TRABD2A: variants seen among roughly 807,000 people sequenced by gnomAD.
The protein encoded by TRABD2A is metalloprotease TIKI1.
In TRABD2A, 43 loss-of-function variants were observed where a neutral mutation model predicts 45.6. The observed-to-expected ratio is 0.94, with a 90% CI of 0.74 to 1.22. The LOEUF (loss-of-function observed/expected upper bound fraction) is 1.22, where lower values mean the gene tolerates loss of function less well. Among genes scored for constraint, TRABD2A ranks in the 50% most tolerant of loss-of-function variants. TRABD2A has a pLI of 0.00. For synonymous variants in TRABD2A, 269 were observed against 265.0 expected (o/e 1.02, Z -0.15); for missense variants, 642 against 652.4 (o/e 0.98, Z 0.17).
chr2:84,851,418 G>T (rs1682092464), intron 2 of TRABD2A, among the ~76,000 whole-genome samples: 1 of 152,202 alleles, frequency 6.6e-6, no homozygotes, highest in African/African-American at 2.4e-5. Context: ...TGTACCAGAA[G>T]GCTGAATTTA....
chr2:84,855,996 G>A (rs998139740), intron 2 of TRABD2A, among the ~76,000 whole-genome samples: 3 of 152,100 alleles, frequency 2.0e-5, no homozygotes, highest in Non-Finnish European at 2.9e-5. Context: ...ACAGTGGCCC[G>A]CACCACCCCA....
intron 3 of TRABD2A, among the ~76,000 whole-genome samples, chr2:84,840,746 C>T (rs1280873669): frequency 6.6e-6 from 1 of 152,162 alleles, no homozygotes; most frequent in Admixed American, 6.5e-5. Context: ...GATTTATCAC[C>T]ACCACCAACT....
At chr2:84,852,997 T>A (rs1291242799) in intron 2 of TRABD2A, among the ~76,000 whole-genome samples, 1 of 151,988 alleles carries the variant, frequency 6.6e-6, no homozygotes, top group Non-Finnish European at 1.5e-5. Flanking sequence ...GGGTTAAATT[T>A]TTCCCCCCAC....
intron 2 of TRABD2A, among the ~76,000 whole-genome samples, chr2:84,864,708 T>A (rs1019314859): frequency 1.3e-5 from 2 of 152,134 alleles, no homozygotes; most frequent in African/African-American, 2.4e-5. Flanking sequence ...AACAGAGACC[T>A]CCTAGCCCCA....
intron 5 of TRABD2A, 28 bp from the exon 6 acceptor site, chr2:84,824,232 T>C: frequency 6.2e-7 from 1 of 1,612,818 alleles, no homozygotes; most frequent in Non-Finnish European, 8.5e-7. Flanking sequence ...GAGAAGGTAT[T>C]TGGAGGAGGG....
chr2:84,841,843 G>T lies in TRABD2A; in HGVS notation c.816+18C>A. The T allele has an allele frequency of 6.7e-7, 1 of 1,501,352 alleles. No individual in the cohort carries two copies. Among genetic ancestry groups the T allele is most frequent in the Non-Finnish European group, 8.9e-7 (1 of 1,127,006 alleles). 93.0% of individuals were successfully genotyped at this position (1,501,352 alleles called of 1,614,324 possible). A position where few individuals can be genotyped will look rare whatever the true frequency, so the allele number is the denominator to read the frequency against. ...AATTAAATGTGTGCTGAGCTTGGCA[G>T]GGGGAAAGGGTGCTCACCTGGGAGC... On this transcript the variant is annotated intron_variant, in intron 3 of 6. Transcript: ENST00000409520.
At chr2:84,832,219 A>G (rs1681363636) in intron 4 of TRABD2A, 74 bp from the exon 5 acceptor site, 1 of 1,494,984 alleles carries the variant, frequency 6.7e-7, no homozygotes, top group Non-Finnish European at 9.3e-7. Flanking sequence ...CACACACCCT[A>G]GAACCAAGAA....
chr2:84,873,542 T>C (rs1344184713), intron 1 of TRABD2A, among the ~76,000 whole-genome samples: 1 of 152,190 alleles, frequency 6.6e-6, no homozygotes, highest in African/African-American at 2.4e-5. Flanking sequence ...CTGAGGTTAT[T>C]TAAATACTTC....
At chr2:84,869,860 T>G (rs1682814879) in intron 2 of TRABD2A, among the ~76,000 whole-genome samples, 1 of 150,806 alleles carries the variant, frequency 6.6e-6, no homozygotes, top group Non-Finnish European at 1.5e-5. Flanking sequence ...ACACCTGTAA[T>G]CCCAGCTACT....
intron 3 of TRABD2A, among the ~76,000 whole-genome samples, chr2:84,840,751 C>A (rs570774764): frequency 2.6e-5 from 4 of 152,202 alleles, no homozygotes; most frequent in African/African-American, 4.8e-5. Flanking sequence ...ATCACCACCA[C>A]CAACTCTATT....
intron 5 of TRABD2A, among the ~76,000 whole-genome samples, chr2:84,824,908 C>G (rs1223268023): frequency 1.3e-5 from 2 of 152,184 alleles, no homozygotes; most frequent in East Asian, 3.8e-4. Context: ...ATTTTCACAA[C>G]TAATGGGAAA....
chr2:84,854,948 A>C (rs1479406671), intron 2 of TRABD2A, among the ~76,000 whole-genome samples: 1 of 152,038 alleles, frequency 6.6e-6, no homozygotes, highest in Non-Finnish European at 1.5e-5. Context: ...GTGTCAAATC[A>C]CTGTGCCCTT....
At chr2:84,867,457 T>C (rs903894498) in intron 2 of TRABD2A, among the ~76,000 whole-genome samples, 2 of 152,156 alleles carry the variant, frequency 1.3e-5, no homozygotes, top group African/African-American at 2.4e-5. Flanking sequence ...AAGACTTAAA[T>C]GTTAGACCTA....
rs759830766 is a variant in TRABD2A, at chr2:84,870,449, C to T, written c.445G>A (p.Ala149Thr). 7.4e-6 allele frequency: 12 copies of T among 1,613,908 alleles called. No individual in the cohort carries two copies. The highest frequency in any genetic ancestry group is 2.7e-5 in the African/African-American group (2 of 74,934). The change falls in exon 2 of 7, where the codon GCA (alanine) becomes ACA (threonine). Residue 149 changes from alanine to threonine, a missense_variant. Coordinates refer to ENST00000409520, the MANE Select transcript of TRABD2A (RefSeq NM_001277053.2). ...GCAATAGCATTGAAGAGGTAGTCTG[C>T]GTAGAGCCCCTTGCCGCGCTGGTCT... is the stretch of plus-strand genomic sequence containing the variant. Reference protein sequence around the residue: ...TPDQRGKGLYADYLFNAIAGN... With the variant: ...TPDQRGKGLYTDYLFNAIAGN...
At chr2:84,866,143 C>A (rs1160031610) in intron 2 of TRABD2A, among the ~76,000 whole-genome samples, 1 of 152,168 alleles carries the variant, frequency 6.6e-6, no homozygotes, top group Non-Finnish European at 1.5e-5. Context: ...AGGGGCCAGG[C>A]AGATGAGTTA....
At chr2:84,872,598 T>C (rs561649845) in intron 1 of TRABD2A, among the ~76,000 whole-genome samples, 2 of 152,318 alleles carry the variant, frequency 1.3e-5, no homozygotes, top group South Asian at 4.1e-4. Flanking sequence ...TTTACTAAAG[T>C]ATTTGACTTC....
chr2:84,875,606 T>G (rs931139995), intron 1 of TRABD2A, among the ~76,000 whole-genome samples: 2 of 152,058 alleles, frequency 1.3e-5, no homozygotes, highest in African/African-American at 4.8e-5. Flanking sequence ...CTGGGATGAA[T>G]AGAGGGATGA....
chr2:84,843,775 C>T lies in TRABD2A; in HGVS notation c.670-1768G>A, dbSNP rs188287542. ...AAAGGTCCTTATAAAGAGGAGCCTT[C>T]ATGGCTTAATCACCTCCTAAAGGCC... On this transcript the variant is annotated intron_variant, in intron 2 of 6. Coordinates refer to ENST00000409520, the MANE Select transcript of TRABD2A (RefSeq NM_001277053.2). 2.2e-4 allele frequency: 34 copies of T among 152,346 alleles called. No homozygotes were observed. In the East Asian group the frequency reaches 4.8e-3, roughly 22 times the overall value. The allele number at this position is 152,346 out of a possible 1,614,324, so 9.4% of individuals were successfully genotyped here.
At chr2:84,854,285 G>A (rs965560579) in intron 2 of TRABD2A, among the ~76,000 whole-genome samples, 1 of 151,996 alleles carries the variant, frequency 6.6e-6, no homozygotes, top group Non-Finnish European at 1.5e-5. Context: ...GTGGGTCTTG[G>A]AACCAATCCC....
Sources: allele counts gnomAD v4.1 joint callset (sites outside exome capture counted in the v4.1 genomes callset), GRCh38; gene constraint gnomAD v4.1.1; transcripts MANE v1.5; gene names NCBI Gene and HGNC (gene_info 2026-07-23, HGNC 2026-07-21).